Variants in SDK1 observed in about 807,000 individuals in gnomAD.
The protein encoded by SDK1 is sidekick cell adhesion molecule 1.
In SDK1, 157 loss-of-function variants were observed where a neutral mutation model predicts 245.5. The ratio of observed to expected loss-of-function variants is 0.64; its 90% CI spans 0.56 to 0.73. SDK1 has a LOEUF of 0.73. SDK1 is among the 30% of genes least tolerant of loss of function. The pLI, the probability that SDK1 is intolerant of heterozygous loss-of-function variation, is 0.00. For missense variants in SDK1, 3,583 were observed against 3,002.3 expected, an observed-to-expected ratio of 1.19 and a Z score of -4.52; for synonymous variants, 1,647 against 1,278.5, an observed-to-expected ratio of 1.29 and a Z score of -6.15.
At chr7:3,630,358 A>G (rs1189429762) in intron 2 of SDK1, among the ~76,000 whole-genome samples, 3 of 152,262 alleles carry the variant, frequency 2.0e-5, no homozygotes, top group South Asian at 4.1e-4. Context: ...TAGAAAATAT[A>G]TACTTTTAAA....
At chr7:3,763,285 C>A (rs1562425239) in intron 4 of SDK1, among the ~76,000 whole-genome samples, 1 of 152,102 alleles carries the variant, frequency 6.6e-6, no homozygotes, top group Non-Finnish European at 1.5e-5. Context: ...GCATAACTTA[C>A]ATGTAGCAAA....
intron 1 of SDK1, among the ~76,000 whole-genome samples, chr7:3,376,833 T>G (rs906120264): frequency 3.3e-5 from 5 of 152,186 alleles, no homozygotes; most frequent in Non-Finnish European, 7.3e-5. Context: ...ATGTCAAATT[T>G]TCTTCCTTTT....
chr7:4,044,903 A>G lies in SDK1; in HGVS notation c.2603-4445A>G, dbSNP rs191595483. ...TATGACTATTTCTGTCACCTCCCCC[A>G]AAAGTCTTTGTGCTTTTATATTCAC... On this transcript the variant is annotated intron_variant, in intron 17 of 44. Coordinates refer to ENST00000404826, the MANE Select transcript of SDK1 (RefSeq NM_152744.4). Among the ~76,000 whole-genome samples, 710 of 152,192 alleles carry G rather than the reference A, an allele frequency of 4.7e-3. 4 individuals carry two copies. Among genetic ancestry groups the G allele is most frequent in the Non-Finnish European group, 7.2e-3 (491 of 68,004 alleles).
At chr7:3,600,151 T>G (rs10275225) in intron 1 of SDK1, among the ~76,000 whole-genome samples, 1 of 152,040 alleles carries the variant, frequency 6.6e-6, no homozygotes, top group African/African-American at 2.4e-5. Flanking sequence ...TTCTAAAGTT[T>G]ATACCTAAGT....
intron 40 of SDK1, among the ~76,000 whole-genome samples, chr7:4,222,977 C>T (rs542996136): frequency 5.3e-5 from 8 of 152,030 alleles, no homozygotes; most frequent in African/African-American, 1.7e-4. Flanking sequence ...AGGGAGCAGC[C>T]CAGACTTAAG....
intron 38 of SDK1, among the ~76,000 whole-genome samples, chr7:4,213,213 AC>A (rs1451233872): frequency 3.3e-5 from 5 of 152,134 alleles, no homozygotes; most frequent in African/African-American, 1.2e-4. Context: ...GGAGTTCAAG[AC>A]CAGCCTGGCC....
At chr7:3,777,076 A>G (rs542532268) in intron 4 of SDK1, among the ~76,000 whole-genome samples, 3 of 152,248 alleles carry the variant, frequency 2.0e-5, no homozygotes, top group East Asian at 3.9e-4. Flanking sequence ...TCTAAAATCT[A>G]TTTTGTAACT....
chr7:3,698,831 C>G (rs150169838), intron 4 of SDK1, among the ~76,000 whole-genome samples: 1 of 152,336 alleles, frequency 6.6e-6, no homozygotes, highest in African/African-American at 2.4e-5. Flanking sequence ...ATAACCTCAT[C>G]TAACCCTAAT....
chr7:3,523,354 C>G (rs1302816478), intron 1 of SDK1, among the ~76,000 whole-genome samples: 2 of 152,126 alleles, frequency 1.3e-5, no homozygotes, highest in Admixed American at 1.3e-4. Context: ...GGCTTCTAAC[C>G]TAGTGGAGGT....
intron 44 of SDK1, among the ~76,000 whole-genome samples, chr7:4,262,018 CTTTTTTTTTTTTTTTT>C (rs34610558): frequency 3.4e-5 from 2 of 59,252 alleles, no homozygotes; most frequent in Non-Finnish European, 2.9e-5. Flanking sequence ...CTGCTTTCTC[CTTTTTTTTTTTTTTTT>C]TTTTTTTTTT....
At chr7:3,906,830 A>T (rs1055809687) in intron 5 of SDK1, among the ~76,000 whole-genome samples, 1 of 151,930 alleles carries the variant, frequency 6.6e-6, no homozygotes, top group African/African-American at 2.4e-5. Flanking sequence ...GGGTTTCACC[A>T]TGTTGCCTAG....
intron 4 of SDK1, among the ~76,000 whole-genome samples, chr7:3,653,316 G>T (rs1275677593): frequency 6.6e-6 from 1 of 152,110 alleles, no homozygotes; most frequent in Non-Finnish European, 1.5e-5. Context: ...GCTGTTGTAG[G>T]CGTTCTGTTT....
intron 1 of SDK1, among the ~76,000 whole-genome samples, chr7:3,546,956 C>T (rs1207425556): frequency 6.6e-6 from 1 of 152,108 alleles, no homozygotes; most frequent in Non-Finnish European, 1.5e-5. Flanking sequence ...GTCATCTTTT[C>T]ACACTTTTGA....
At chr7:4,106,767 C>A (rs1443320045) in intron 22 of SDK1, among the ~76,000 whole-genome samples, 3 of 152,122 alleles carry the variant, frequency 2.0e-5, no homozygotes, top group South Asian at 2.1e-4. Flanking sequence ...GCCTCCCGGG[C>A]CTTACTGGTT....
intron 35 of SDK1, among the ~76,000 whole-genome samples, chr7:4,192,361 C>T (rs369357790): frequency 3.9e-5 from 6 of 152,162 alleles, no homozygotes; most frequent in East Asian, 1.9e-4. Context: ...CTGCAAGCTC[C>T]GCCTCCCGGG....
intron 5 of SDK1, among the ~76,000 whole-genome samples, chr7:3,860,784 C>G (rs1332336121): frequency 1.3e-5 from 2 of 152,184 alleles, no homozygotes; most frequent in African/African-American, 4.8e-5. Context: ...CCGCACCTGA[C>G]ACTGTAACCC....
intron 14 of SDK1, among the ~76,000 whole-genome samples, chr7:3,999,562 C>A (rs1784922251): frequency 6.6e-6 from 1 of 152,074 alleles, no homozygotes; most frequent in African/African-American, 2.4e-5. Flanking sequence ...TGCCCTGGTG[C>A]CTCGGGGCGG....
chr7:3,600,911 C>T (rs1347316999), intron 1 of SDK1, among the ~76,000 whole-genome samples: 10 of 152,210 alleles, frequency 6.6e-5, no homozygotes, highest in South Asian at 4.1e-4. Flanking sequence ...ATTCCTAATT[C>T]GGTGAATAGT....
At chr7:3,473,770 T>G (rs1040151869) in intron 1 of SDK1, among the ~76,000 whole-genome samples, 1 of 152,180 alleles carries the variant, frequency 6.6e-6, no homozygotes, top group Non-Finnish European at 1.5e-5. Flanking sequence ...AGTAGGTTAA[T>G]ATGTGTAATA....
Sources: allele counts gnomAD v4.1 joint callset (sites outside exome capture counted in the v4.1 genomes callset), GRCh38; gene constraint gnomAD v4.1.1; transcripts MANE v1.5; gene names NCBI Gene and HGNC (gene_info 2026-07-23, HGNC 2026-07-21).